GPRC5B: variants seen among roughly 807,000 people sequenced by gnomAD.
The protein encoded by GPRC5B is G protein-coupled receptor class C group 5 member B, also known as G protein-coupled receptor family C group 5 member B.
Under a neutral mutation model 30.1 loss-of-function variants are expected in GPRC5B, and 16 were observed. The observed-to-expected ratio is 0.53, with a 90% CI of 0.36 to 0.81. GPRC5B has a LOEUF of 0.81. GPRC5B is among the 30% of genes least tolerant of loss of function. The probability of loss-of-function intolerance (pLI) is 0.01; values close to 1 mark genes in which losing one functional copy is unlikely to be tolerated. For missense variants in GPRC5B, 428 were observed against 544.7 expected, an observed-to-expected ratio of 0.79 and a Z score of 2.13; for synonymous variants, 241 against 239.5, an observed-to-expected ratio of 1.01 and a Z score of -0.06.
chr16:19,880,211 C>A (rs1410626592), intron 1 of GPRC5B, among the ~76,000 whole-genome samples: 2 of 151,158 alleles, frequency 1.3e-5, no homozygotes, highest in Non-Finnish European at 2.9e-5. Flanking sequence ...GCTCCCTTGT[C>A]TGAGGTGGTG....
intron 3 of GPRC5B, among the ~76,000 whole-genome samples, chr16:19,860,780 A>G (rs1370111872): frequency 6.6e-6 from 1 of 152,130 alleles, no homozygotes; most frequent in Non-Finnish European, 1.5e-5. Context: ...CAACTCATTC[A>G]CTTTCAGTCT....
chr16:19,858,653 C>G lies in GPRC5B; in HGVS notation c.*1847G>C. On this transcript the variant is annotated 3_prime_UTR_variant, in exon 4 of 4. Coordinates refer to ENST00000300571, the MANE Select transcript of GPRC5B (RefSeq NM_016235.3). ...GGGTCCGCATGCAACCGCCCCCACC[C>G]CCACCCCAGGTCCTAGCTTCATTCC... 2 of 528,280 alleles carry G rather than the reference C, an allele frequency of 3.8e-6. No individual in the cohort carries two copies. Among genetic ancestry groups the G allele is most frequent in the Non-Finnish European group, 6.8e-6 (2 of 293,922 alleles). 32.7% of individuals were successfully genotyped at this position (528,280 alleles called of 1,614,324 possible). A position where few individuals can be genotyped will look rare whatever the true frequency, so the allele number is the denominator to read the frequency against.
intron 1 of GPRC5B, among the ~76,000 whole-genome samples, chr16:19,879,186 C>G (rs981187644): frequency 2.6e-5 from 4 of 151,508 alleles, no homozygotes; most frequent in Non-Finnish European, 2.9e-5. Flanking sequence ...AGGAACAATA[C>G]CAGATTAGAG....
upstream of GPRC5B, chr16:19,885,074 G>T: frequency 1.3e-6 from 1 of 747,932 alleles, no homozygotes; most frequent in South Asian, 1.5e-5. The surrounding 1 kb of genome is among the most constrained non-coding windows in gnomAD (Gnocchi z 5.3). Context: ...CGATTCCCCC[G>T]ACCTCGTGCC....
rs899559559 is a variant in GPRC5B, at chr16:19,858,324, G to T, written c.*2176C>A. ...TGCGATAACATATCAGATTTAAAAG[G>T]GGGGAAAAAGGTCTCATTAAATGAG... is the stretch of plus-strand genomic sequence containing the variant. On this transcript the variant is annotated 3_prime_UTR_variant, in exon 4 of 4. Transcript: ENST00000300571. 2.0e-5 allele frequency: 9 copies of T among 442,082 alleles called. No homozygotes were observed. Among genetic ancestry groups the T allele is most frequent in the Admixed American group, 4.1e-5 (1 of 24,664 alleles). 27.4% of individuals were successfully genotyped at this position (442,082 alleles called of 1,614,324 possible).
At chr16:19,867,952 T>G (rs770615915) in intron 2 of GPRC5B, among the ~76,000 whole-genome samples, 32 of 152,012 alleles carry the variant, frequency 2.1e-4, no homozygotes, top group Non-Finnish European at 1.2e-4. Flanking sequence ...CAAGTAGTCC[T>G]GCTACTCAGG....
intron 3 of GPRC5B, among the ~76,000 whole-genome samples, chr16:19,860,845 G>A (rs906191147): frequency 5.3e-5 from 8 of 152,092 alleles, no homozygotes; most frequent in African/African-American, 1.2e-4. Context: ...TAAGAGTGAC[G>A]GATGGGGGCT....
chr16:19,860,147 C>T lies in GPRC5B; in HGVS notation c.*353G>A, dbSNP rs2056609099. 4.8e-6 allele frequency: 1 copy of T among 206,246 alleles called. No homozygotes were observed. The highest frequency in any genetic ancestry group is 2.3e-5 in the African/African-American group (1 of 42,576). The allele number at this position is 206,246 out of a possible 1,614,324, so 12.8% of individuals were successfully genotyped here. A position where few individuals can be genotyped will look rare whatever the true frequency, so the allele number is the denominator to read the frequency against. ...TCCAACCAACACCAGTCTGGCCCAC[C>T]AGCTGTGAATTTGGTTCTGTTCTAC... On this transcript the variant is annotated 3_prime_UTR_variant, in exon 4 of 4. Transcript: ENST00000300571.
chr16:19,883,273 A>G (rs907129255), intron 1 of GPRC5B, among the ~76,000 whole-genome samples: 3 of 151,486 alleles, frequency 2.0e-5, no homozygotes, highest in Non-Finnish European at 4.4e-5. Flanking sequence ...TGTGCCCCCA[A>G]ATGGCGGCTC....
Position 19,872,742 on chromosome 16 carries a change from C to T in GPRC5B, c.104G>A (p.Arg35Gln), listed in dbSNP as rs762430503. The change falls in exon 2 of 4, where the codon CGA becomes CAA. Residue 35 changes from arginine to glutamine, a missense_variant. Physicochemically the swap from Arg to Gln is conservative, Grantham distance 43 (BLOSUM62 1). Coordinates refer to ENST00000300571, the MANE Select transcript of GPRC5B (RefSeq NM_016235.3). This position sits in a 1 kb window ranked among gnomAD's most constrained non-coding sequence, Gnocchi z 5.0. ...AGGGAGGAGGTCCAGCCCACAGCCT[C>T]GGGATGTGCTGGCGTTTTCAGAGGC... Reference protein sequence around the residue: ...SVASENASTSRGCGLDLLPQY... With the variant: ...SVASENASTSQGCGLDLLPQY... 1.5e-5 allele frequency: 24 copies of T among 1,613,520 alleles called. No individual in the cohort carries two copies. The highest frequency in any genetic ancestry group is 3.3e-5 in the Admixed American group (2 of 60,006).
upstream of GPRC5B, chr16:19,885,367 G>A (rs945770042): frequency 1.7e-5 from 20 of 1,196,080 alleles, 1 homozygote; most frequent in Admixed American, 6.0e-4. This position sits in a 1 kb window ranked among gnomAD's most constrained non-coding sequence, Gnocchi z 5.3. Context: ...AGTCACCAAC[G>A]CCCCGGTATA....
chr16:19,860,530 C>T lies in GPRC5B; in HGVS notation c.1182G>A (p.Pro394=), dbSNP rs766068160. ...VLNGGTIPTA[P]PSHTGRHLW is the part of the protein sequence containing the mutation. ...AAAGGTGTCTTCCTGTGTGACTTGG[C>T]GGAGCAGTTGGGATCTGGAATAACA... Residue 394 remains proline (P), a synonymous_variant, in exon 4 of 4, where the codon CCG becomes CCA. Coordinates refer to ENST00000300571, the MANE Select transcript of GPRC5B (RefSeq NM_016235.3). 2.8e-5 allele frequency: 45 copies of T among 1,599,856 alleles called. No individual in the cohort carries two copies. Among genetic ancestry groups the T allele is most frequent in the African/African-American group, 4.0e-5 (3 of 74,598 alleles).
Position 19,884,802 on chromosome 16 carries a change from G to T in GPRC5B, c.-77C>A. ...GTCACATCTCTGCGGCGCGGCCGCG[G>T]CCCCCGCTCCACGCACGCCCGCCTG... is the stretch of plus-strand genomic sequence containing the variant. On this transcript the variant is annotated 5_prime_UTR_variant, in exon 1 of 4. Coordinates refer to ENST00000300571, the MANE Select transcript of GPRC5B (RefSeq NM_016235.3). 1 of 984,196 alleles carries T rather than the reference G, an allele frequency of 1.0e-6. No homozygotes were observed. The highest frequency in any genetic ancestry group is 1.2e-6 in the Non-Finnish European group (1 of 829,372). The allele number at this position is 984,196 out of a possible 1,614,324, so 61.0% of individuals were successfully genotyped here.
chr16:19,861,958 C>T lies in GPRC5B; in HGVS notation c.1046G>A (p.Gly349Glu). The T allele has an allele frequency of 1.2e-6, 2 of 1,613,850 alleles. No individual in the cohort carries two copies. The highest frequency in any genetic ancestry group is 1.1e-5 in the South Asian group (1 of 91,070). Reference sequence around the variant, plus strand: ...TTTTCCCAAGCTGCCGTTGGGAAATCCTGCTGTTCGGAGAGCTGGGGGAGG... The same window carrying T: ...TTTTCCCAAGCTGCCGTTGGGAAATTCTGCTGTTCGGAGAGCTGGGGGAGG... ...DEHNAALRTA[G>E]FPNGSLGKRP... is the part of the protein sequence containing the mutation. The change falls in exon 3 of 4, where the codon GGA becomes GAA. Residue 349 changes from glycine to glutamate, a missense_variant. Transcript: ENST00000300571.
At chr16:19,883,657 G>T (rs1408414064) in intron 1 of GPRC5B, among the ~76,000 whole-genome samples, 1 of 152,244 alleles carries the variant, frequency 6.6e-6, no homozygotes, top group African/African-American at 2.4e-5. Flanking sequence ...CCAATGTGGC[G>T]CGTGGGCTGG....
chr16:19,861,981 A>T lies in GPRC5B; in HGVS notation c.1031-8T>A. Reference sequence around the variant, plus strand: ...ATCCTGCTGTTCGGAGAGCTGGGGGAGGGAGGGATTGGCAAGACAACATTG... The same window carrying T: ...ATCCTGCTGTTCGGAGAGCTGGGGGTGGGAGGGATTGGCAAGACAACATTG... On this transcript the variant is annotated splice_polypyrimidine_tract_variant and splice_region_variant and intron_variant, in intron 2 of 3. Coordinates refer to ENST00000300571, the MANE Select transcript of GPRC5B (RefSeq NM_016235.3). 1.2e-6 allele frequency: 2 copies of T among 1,612,822 alleles called. No homozygotes were observed. Among genetic ancestry groups the T allele is most frequent in the Non-Finnish European group, 8.5e-7 (1 of 1,179,168 alleles).
At position 19,861,969 on chromosome 16, in the gene GPRC5B, G is replaced by A; in HGVS notation, c.1035C>T (p.Leu345=). Residue 345 remains leucine, a synonymous_variant, in exon 3 of 4, where the codon CTC becomes CTT. Coordinates refer to ENST00000300571, the MANE Select transcript of GPRC5B (RefSeq NM_016235.3). Reference sequence around the variant, plus strand: ...TGCCGTTGGGAAATCCTGCTGTTCGGAGAGCTGGGGGAGGGAGGGATTGGC... The same window carrying A: ...TGCCGTTGGGAAATCCTGCTGTTCGAAGAGCTGGGGGAGGGAGGGATTGGC... ...AFSMDEHNAA[L]RTAGFPNGSL... 3 of 1,613,998 alleles carry A rather than the reference G, an allele frequency of 1.9e-6. No individual in the cohort carries two copies. The highest frequency in any genetic ancestry group is 2.5e-6 in the Non-Finnish European group (3 of 1,179,974).
upstream of GPRC5B, chr16:19,884,855 C>T (rs1420646158): frequency 3.7e-5 from 36 of 982,584 alleles, no homozygotes; most frequent in Non-Finnish European, 4.2e-5. Context: ...CAGCGCCTGC[C>T]AGAGTCGCTG....
At chr16:19,861,207 T>A (rs876856) in intron 3 of GPRC5B, among the ~76,000 whole-genome samples, 1 of 151,790 alleles carries the variant, frequency 6.6e-6, no homozygotes, top group African/African-American at 2.4e-5. Flanking sequence ...GAAAGAAGCA[T>A]GTAGCTATGT....
Sources: gnomAD v4.1 joint callset for allele counts (sites outside exome capture counted in the v4.1 genomes callset) on GRCh38, gnomAD v4.1.1 for gene constraint, Gnocchi (gnomAD v3.1) non-coding constraint, MANE v1.5 for transcripts, NCBI Gene and HGNC (gene_info 2026-07-23, HGNC 2026-07-21) for gene names.